The following SOX5 variants were observed in gnomAD, a reference collection of about 807,000 sequenced individuals.
The protein encoded by SOX5 is transcription factor SOX-5.
In SOX5, 9 loss-of-function variants were observed where a neutral mutation model predicts 92.0. The ratio of observed to expected loss-of-function variants is 0.10; its 90% CI spans 0.06 to 0.17. The LOEUF (loss-of-function observed/expected upper bound fraction) is 0.17, where lower values mean the gene tolerates loss of function less well. Ranked by LOEUF, SOX5 falls within the 10% of genes least tolerant of loss-of-function variation. The pLI is 1.00. For missense variants in SOX5, 642 were observed against 944.5 expected (o/e 0.68, Z 4.20); for synonymous variants, 344 against 336.3 (o/e 1.02, Z -0.25).
At chr12:23,541,605 T>C (rs1006921421) in intron 13 of SOX5, among the ~76,000 whole-genome samples, 4 of 152,210 alleles carry the variant, frequency 2.6e-5, no homozygotes, top group Admixed American at 2.6e-4. Context: ...TCAGTTCAAG[T>C]TTTTGATTAT....
chr12:23,679,964 T>TA (rs35192707), intron 6 of SOX5, among the ~76,000 whole-genome samples: 109,403 of 150,564 alleles, frequency 0.73, 40,126 homozygotes, highest in East Asian at 0.91. Context: ...TAGTAACAAG[T>TA]AAAAAAAAAC....
At chr12:23,991,350 T>A (rs528236312) in intron 4 of SOX5, among the ~76,000 whole-genome samples, 3,025 of 150,788 alleles carry the variant, frequency 0.02, 65 homozygotes, top group African/African-American at 0.056. Flanking sequence ...ACAAAAAAAA[T>A]ATATATATAT....
chr12:23,650,331 A>C (rs59504037), intron 7 of SOX5, among the ~76,000 whole-genome samples: 4,232 of 152,120 alleles, frequency 0.028, 187 homozygotes, highest in African/African-American at 0.097. Flanking sequence ...CCATTTTACC[A>C]CCTCCTTCCC....
intron 3 of SOX5, among the ~76,000 whole-genome samples, chr12:24,267,097 T>G (rs1943117836): frequency 6.6e-6 from 1 of 152,134 alleles, no homozygotes; most frequent in Admixed American, 6.6e-5. Context: ...TTGACATGTC[T>G]AGGATAACAC....
intron 4 of SOX5, among the ~76,000 whole-genome samples, chr12:24,048,534 A>G (rs1266520861): frequency 6.6e-6 from 1 of 152,176 alleles, no homozygotes; most frequent in Non-Finnish European, 1.5e-5. Context: ...AAAAACTTGT[A>G]CATAAATGTT....
intron 9 of SOX5, among the ~76,000 whole-genome samples, chr12:23,578,160 C>T (rs544464164): frequency 1.0e-4 from 9 of 86,552 alleles, no homozygotes; most frequent in African/African-American, 2.9e-4. Flanking sequence ...ACTATAGGGG[C>T]AATATTATCC....
chr12:23,635,985 A>C (rs2079182868), intron 8 of SOX5, among the ~76,000 whole-genome samples: 1 of 152,164 alleles, frequency 6.6e-6, no homozygotes, highest in African/African-American at 2.4e-5. Context: ...TCATTCACTA[A>C]GACCAAAGAA....
intron 2 of SOX5, among the ~76,000 whole-genome samples, chr12:24,333,171 A>C (rs1951520756): frequency 6.6e-6 from 1 of 152,114 alleles, no homozygotes; most frequent in African/African-American, 2.4e-5. Flanking sequence ...AATATCAAAA[A>C]ACAAAGAAAG....
At chr12:24,403,393 G>A (rs1387255553) in intron 1 of SOX5, among the ~76,000 whole-genome samples, 1 of 152,122 alleles carries the variant, frequency 6.6e-6, no homozygotes, top group East Asian at 1.9e-4. Context: ...TATTCCCTAA[G>A]TGCTTGCACT....
At chr12:24,222,395 C>T (rs979155081) in intron 3 of SOX5, among the ~76,000 whole-genome samples, 60 of 151,688 alleles carry the variant, frequency 4.0e-4, no homozygotes, top group Non-Finnish European at 2.1e-4. Context: ...TTTTTCTGCA[C>T]GGAGGTTTTG....
intron 4 of SOX5, among the ~76,000 whole-genome samples, chr12:24,054,873 T>C (rs1957947480): frequency 6.6e-6 from 1 of 152,142 alleles, no homozygotes. Context: ...GCAAATAATG[T>C]AAATCTAGAA....
intron 7 of SOX5, among the ~76,000 whole-genome samples, chr12:23,661,343 T>G (rs537076379): frequency 2.6e-5 from 4 of 152,136 alleles, no homozygotes; most frequent in Non-Finnish European, 5.9e-5. Flanking sequence ...AAATATGTAC[T>G]CTAAAGAAAT....
chr12:24,121,050 T>C (rs192748065), intron 4 of SOX5, among the ~76,000 whole-genome samples: 203 of 152,346 alleles, frequency 1.3e-3, no homozygotes, highest in South Asian at 3.3e-3. Context: ...CATTTTGGGA[T>C]CACTGAGTTC....
intron 1 of SOX5, among the ~76,000 whole-genome samples, chr12:24,419,227 A>C (rs1460576031): frequency 6.6e-6 from 1 of 152,024 alleles, no homozygotes; most frequent in Non-Finnish European, 1.5e-5. Context: ...CTCCTCGGTT[A>C]AGCAACTCTC....
chr12:24,283,541 T>C (rs1250134297), intron 2 of SOX5, among the ~76,000 whole-genome samples: 1 of 152,250 alleles, frequency 6.6e-6, no homozygotes, highest in African/African-American at 2.4e-5. Context: ...GAAAAGACTT[T>C]AGAGTTTCCT....
At chr12:23,783,962 A>G (rs530042728) in intron 3 of SOX5, among the ~76,000 whole-genome samples, 1 of 152,360 alleles carries the variant, frequency 6.6e-6, no homozygotes, top group African/African-American at 2.4e-5. Flanking sequence ...TATAAAAACA[A>G]CAACTAAACA....
intron 6 of SOX5, among the ~76,000 whole-genome samples, chr12:23,677,767 G>T (rs745457775): frequency 6.6e-6 from 1 of 152,062 alleles, no homozygotes; most frequent in Non-Finnish European, 1.5e-5. Context: ...GCTAGTGATT[G>T]GATATTTATT....
intron 3 of SOX5, among the ~76,000 whole-genome samples, chr12:24,247,644 ACTTT>A (rs112397487): frequency 3.8e-4 from 34 of 89,738 alleles, no homozygotes; most frequent in African/African-American, 1.4e-3. Flanking sequence ...TTATTTATTT[ACTTT>A]TTTTTTTTTT....
intron 1 of SOX5, among the ~76,000 whole-genome samples, chr12:24,496,047 A>C (rs572396577): frequency 6.6e-6 from 1 of 152,342 alleles, no homozygotes; most frequent in Admixed American, 6.5e-5. Flanking sequence ...TGTTCAAGGC[A>C]GAACAACTTT....
Sources: gnomAD v4.1 joint callset for allele counts (sites outside exome capture counted in the v4.1 genomes callset) on GRCh38, gnomAD v4.1.1 for gene constraint, MANE v1.5 for transcripts, NCBI Gene and HGNC (gene_info 2026-07-23, HGNC 2026-07-21) for gene names.